USP45: variants seen among roughly 807,000 people sequenced by gnomAD.
USP45 encodes ubiquitin specific peptidase 45.
USP45 carries 89 observed loss-of-function variants against 95.8 expected under a neutral mutation model. That is an observed-to-expected ratio of 0.93 (90% CI 0.78 to 1.11). The LOEUF (loss-of-function observed/expected upper bound fraction) is 1.11, where lower values mean the gene tolerates loss of function less well. Ranked by LOEUF, USP45 falls within the 50% of genes least tolerant of loss-of-function variation. The probability of loss-of-function intolerance (pLI) is 0.00; values close to 1 mark genes in which losing one functional copy is unlikely to be tolerated. For missense variants in USP45, 898 were observed against 942.5 expected (o/e 0.95, Z 0.62); for synonymous variants, 281 against 316.2 (o/e 0.89, Z 1.18).
At position 99,508,766 on chromosome 6, in the gene USP45, T is replaced by C; in HGVS notation, c.117A>G (p.Gln39=). ...TCACGCTGATAGCATGACTTACATG[T>C]TGGCAAGTTAAACCTACTGAATAAG... is the stretch of plus-strand genomic sequence containing the variant. The part of the protein sequence containing the change: ...SDDIAVGLTC[Q]HVSHAISVNH... The change falls in exon 3 of 18, where the codon CAA becomes CAG. Residue 39 remains glutamine, a synonymous_variant. Coordinates refer to ENST00000500704, the MANE Select transcript of USP45 (RefSeq NM_001346022.3). 6.2e-7 allele frequency: 1 copy of C among 1,610,908 alleles called. No homozygotes were observed. The highest frequency in any genetic ancestry group is 8.5e-7 in the Non-Finnish European group (1 of 1,179,152).
rs767131680 is a variant in USP45, at chr6:99,439,804, G to A, written c.2125C>T (p.Leu709Phe). 5 of 1,607,654 alleles carry A rather than the reference G, an allele frequency of 3.1e-6. No homozygotes were observed. The Admixed American group carries it at 5.0e-5, about 16-fold the overall frequency. ...VNRHVDFPLMLDLAPFCSATC... is the reference protein window; with the variant it reads ...VNRHVDFPLMFDLAPFCSATC... ...GCAGAGCAGAATGGTGCTAAATCGA[G>A]CATAAGTGGAAAATCTACATGTCTG... Residue 709 changes from leucine (L) to phenylalanine (F), a missense_variant, in exon 16 of 18, where the codon CTC becomes TTC. Transcript: ENST00000500704.
chr6:99,448,734 CAA>C, intron 13 of USP45, among the ~76,000 whole-genome samples: 1 of 152,036 alleles, frequency 6.6e-6, no homozygotes, highest in Admixed American at 6.6e-5. Context: ...TCAGATTCAC[CAA>C]AGTTGAAATG....
intron 15 of USP45, among the ~76,000 whole-genome samples, chr6:99,442,397 T>C (rs965490696): frequency 1.4e-4 from 22 of 152,334 alleles, no homozygotes; most frequent in Non-Finnish European, 8.8e-5. Flanking sequence ...TAATCTAATC[T>C]GTGGATAGGG....
chr6:99,478,358 T>C (rs762783478), intron 8 of USP45, among the ~76,000 whole-genome samples: 2 of 149,578 alleles, frequency 1.3e-5, no homozygotes, highest in Admixed American at 6.8e-5. Flanking sequence ...GATTAAAAGA[T>C]AAAAATCACC....
upstream of USP45, among the ~76,000 whole-genome samples, chr6:99,516,756 CTT>C (rs1248107036): frequency 1.3e-5 from 2 of 152,076 alleles, no homozygotes; most frequent in Non-Finnish European, 2.9e-5. Flanking sequence ...TGTATTTTAA[CTT>C]TGGATTTGAC....
At chr6:99,509,559 C>A (rs923712768) in intron 2 of USP45, among the ~76,000 whole-genome samples, 1 of 151,204 alleles carries the variant, frequency 6.6e-6, no homozygotes, top group Admixed American at 6.6e-5. Context: ...AAGAGAAAAC[C>A]AAGCCCTGAG....
intron 1 of USP45, among the ~76,000 whole-genome samples, chr6:99,512,015 A>C (rs898759737): frequency 6.6e-6 from 1 of 151,922 alleles, no homozygotes; most frequent in African/African-American, 2.4e-5. Context: ...GAAAATTAAT[A>C]ATTTTCTAAT....
intron 13 of USP45, chr6:99,462,244 C>T (rs1583124867): frequency 4.9e-5 from 48 of 983,434 alleles, no homozygotes; most frequent in Non-Finnish European, 5.7e-5. Context: ...TTGTTCAGCA[C>T]AAGCACAAGT....
chr6:99,507,406 G>A, intron 4 of USP45, 22 bp downstream of exon 4: 1 of 1,476,198 alleles, frequency 6.8e-7, no homozygotes. Context: ...GTGGACACAA[G>A]AACTAACAAA....
Position 99,445,974 on chromosome 6 carries a change from G to T in USP45, c.1798C>A (p.Pro600Thr), listed in dbSNP as rs763321752. ...GAAAGGGTCTGAAAAGCATTTTGGG[G>T]ACTATAAGACCTCAAATGCTTCCCC... Reference protein sequence around the residue: ...LEGKHLRSYSPQNAFQTLSQS... With the variant: ...LEGKHLRSYSTQNAFQTLSQS... Residue 600 changes from proline (P) to threonine (T), a missense_variant, in exon 14 of 18, where the codon CCC (proline) becomes ACC (threonine). Pro to Thr is a conservative substitution (Grantham distance 38, BLOSUM62 -1). Transcript: ENST00000500704. 1 of 1,613,656 alleles carries T rather than the reference G, an allele frequency of 6.2e-7. No individual in the cohort carries two copies. Among genetic ancestry groups the T allele is most frequent in the Admixed American group, 1.7e-5 (1 of 59,936 alleles).
chr6:99,505,640 CAAA>C (rs11303051), intron 4 of USP45, among the ~76,000 whole-genome samples: 12 of 85,302 alleles, frequency 1.4e-4, no homozygotes, highest in Admixed American at 1.2e-4. Flanking sequence ...GATTCCATCT[CAAA>C]AAAAAAAAAA....
intron 10 of USP45, among the ~76,000 whole-genome samples, chr6:99,467,925 ATTAG>A (rs57322969): frequency 0.47 from 71,206 of 151,496 alleles, 17,307 homozygotes; most frequent in East Asian, 0.76. Context: ...TCATGCTAAC[ATTAG>A]TTAGTATCTC....
At chr6:99,483,844 C>CAAAAAAAA (rs71276584) in intron 7 of USP45, among the ~76,000 whole-genome samples, 1 of 86,580 alleles carries the variant, frequency 1.2e-5, no homozygotes, top group Non-Finnish European at 2.1e-5. Context: ...GACTCCGTCT[C>CAAAAAAAA]AAAAAAAAAA....
intron 5 of USP45, among the ~76,000 whole-genome samples, chr6:99,494,808 C>T (rs1795947802): frequency 6.6e-6 from 1 of 152,108 alleles, no homozygotes; most frequent in Non-Finnish European, 1.5e-5. Flanking sequence ...GCAGGAGAAT[C>T]GTTTGAACCC....
intron 1 of USP45, among the ~76,000 whole-genome samples, chr6:99,510,695 T>C (rs1286364508): frequency 6.6e-6 from 1 of 152,152 alleles, no homozygotes; most frequent in Non-Finnish European, 1.5e-5. Flanking sequence ...TTTGCCAGCA[T>C]CTTGACCCTG....
At chr6:99,451,438 A>T (rs1020321839) in intron 13 of USP45, among the ~76,000 whole-genome samples, 14 of 152,202 alleles carry the variant, frequency 9.2e-5, no homozygotes, top group Non-Finnish European at 4.4e-5. Context: ...CAATTGCTTC[A>T]AAGAGAATAA....
rs564059671 is a variant in USP45 at position 99,463,720 on chromosome 6, G to A, written c.1308+884C>T. Reference sequence around the variant, plus strand: ...CCAGCTACTCAGGAGGCTGAGGCAGGAGAATCGCTTGAACCCAGGAGGCAG... The same window carrying A: ...CCAGCTACTCAGGAGGCTGAGGCAGAAGAATCGCTTGAACCCAGGAGGCAG... On this transcript the variant is annotated intron_variant, in intron 13 of 17. Coordinates refer to ENST00000500704, the MANE Select transcript of USP45 (RefSeq NM_001346022.3). Among the ~76,000 whole-genome samples, 27 of 149,106 alleles carry A rather than the reference G, an allele frequency of 1.8e-4. No individual in the cohort carries two copies. The East Asian group carries it at 4.6e-3, about 25-fold the overall frequency.
At chr6:99,501,884 A>T in intron 5 of USP45, 12 of 1,247,482 alleles carry the variant, frequency 9.6e-6, no homozygotes, top group Non-Finnish European at 1.2e-5. Flanking sequence ...TTCCAGAGCG[A>T]CAAGAGTGTC....
chr6:99,501,853 T>C, intron 5 of USP45: 2 of 1,199,228 alleles, frequency 1.7e-6, no homozygotes, highest in Non-Finnish European at 2.1e-6. Context: ...TCCTGGGAAG[T>C]ACCCTCTAAA....
Sources: allele counts gnomAD v4.1 joint callset (sites outside exome capture counted in the v4.1 genomes callset), GRCh38; gene constraint gnomAD v4.1.1; transcripts MANE v1.5; gene names NCBI Gene and HGNC (gene_info 2026-07-23, HGNC 2026-07-21).